The following SCHIP1 variants were observed in gnomAD, a reference collection of about 807,000 sequenced individuals.
SCHIP1 encodes schwannomin-interacting protein 1.
A neutral mutation model predicts 29.7 loss-of-function variants in SCHIP1; 8 were observed. The observed-to-expected ratio is 0.27, with a 90% confidence interval of 0.16 to 0.49. SCHIP1 has a LOEUF of 0.49. SCHIP1 is among the 20% of genes least tolerant of loss of function. The probability of loss-of-function intolerance (pLI) is 0.99; values close to 1 mark genes in which losing one functional copy is unlikely to be tolerated. For synonymous variants in SCHIP1, 76 were observed against 94.9 expected, an observed-to-expected ratio of 0.80 and a Z score of 1.16; for missense variants, 193 against 294.6, an observed-to-expected ratio of 0.66 and a Z score of 2.52.
intron 3 of SCHIP1, 54 bp downstream of exon 4, chr3:159,886,378 A>T: frequency 6.5e-7 from 1 of 1,536,924 alleles, no homozygotes; most frequent in South Asian, 1.1e-5. Flanking sequence ...CGGGCCATTT[A>T]GCTTCTTTTC....
chr3:159,314,424 C>T, the SCHIP1 span, among the ~76,000 whole-genome samples: 1 of 152,176 alleles, frequency 6.6e-6, no homozygotes, highest in Non-Finnish European at 1.5e-5. Flanking sequence ...CATCCCGTTT[C>T]TTCTGCTAGT....
the SCHIP1 span, chr3:159,721,958 G>A: frequency 1.0e-5 from 4 of 390,694 alleles, no homozygotes; most frequent in South Asian, 6.3e-5. Flanking sequence ...AGTCCTCTGT[G>A]TTCTTCAGCT....
intron 2 of SCHIP1, among the ~76,000 whole-genome samples, chr3:159,875,926 C>A (rs1261323915): frequency 1.3e-5 from 2 of 152,142 alleles, no homozygotes; most frequent in East Asian, 3.9e-4. Flanking sequence ...GAACCTGTCT[C>A]TAGAACAAAA....
At chr3:159,473,674 G>GAAAAAAAAAAAAAAAAAAAAAAAAA in the SCHIP1 span, among the ~76,000 whole-genome samples, 5 of 81,440 alleles carry the variant, frequency 6.1e-5, no homozygotes, top group South Asian at 4.4e-4. Context: ...ATGTAACTAC[G>GAAAAAAAAAAAAAAAAAAAAAAAAA]AAAAAAAAAA....
chr3:159,615,738 T>C, the SCHIP1 span, among the ~76,000 whole-genome samples: 1 of 151,992 alleles, frequency 6.6e-6, no homozygotes, highest in Non-Finnish European at 1.5e-5. Context: ...AAACGATGAG[T>C]CTAGAATGAC....
At chr3:159,488,153 A>T in the SCHIP1 span, among the ~76,000 whole-genome samples, 2 of 152,060 alleles carry the variant, frequency 1.3e-5, no homozygotes, top group Non-Finnish European at 2.9e-5. Flanking sequence ...AACAAATGAA[A>T]TCAGAGAGTA....
At chr3:159,848,059 G>A (rs1361990120) in intron 1 of SCHIP1, among the ~76,000 whole-genome samples, 1 of 152,200 alleles carries the variant, frequency 6.6e-6, no homozygotes, top group Non-Finnish European at 1.5e-5. Context: ...TCCCAGTAAT[G>A]TGGTCAGTGT....
chr3:159,850,649 G>T (rs1311534154), intron 1 of SCHIP1, among the ~76,000 whole-genome samples: 1 of 152,088 alleles, frequency 6.6e-6, no homozygotes, highest in Non-Finnish European at 1.5e-5. Flanking sequence ...GAAGCATGGT[G>T]GGGGAGGCCT....
chr3:159,717,595 T>C, the SCHIP1 span, among the ~76,000 whole-genome samples: 3 of 152,090 alleles, frequency 2.0e-5, no homozygotes, highest in African/African-American at 4.8e-5. Flanking sequence ...GAGAATACTA[T>C]AAACACCTCT....
the SCHIP1 span, among the ~76,000 whole-genome samples, chr3:159,661,472 G>A: frequency 6.6e-6 from 1 of 152,100 alleles, no homozygotes; most frequent in Non-Finnish European, 1.5e-5. Context: ...CCCTCACAAT[G>A]TATACTACAA....
the SCHIP1 span, among the ~76,000 whole-genome samples, chr3:159,470,112 C>T: frequency 6.6e-6 from 1 of 151,948 alleles, no homozygotes; most frequent in African/African-American, 2.4e-5. Context: ...CCTAAAAACA[C>T]TAAAAATAAT....
chr3:159,642,851 G>C, the SCHIP1 span, among the ~76,000 whole-genome samples: 4 of 152,066 alleles, frequency 2.6e-5, no homozygotes, highest in East Asian at 3.9e-4. Flanking sequence ...AAACAAAGGA[G>C]AGTGTCAGGT....
At chr3:159,537,766 A>C in the SCHIP1 span, among the ~76,000 whole-genome samples, 1 of 152,196 alleles carries the variant, frequency 6.6e-6, no homozygotes, top group African/African-American at 2.4e-5. Context: ...ATTTGTTAAA[A>C]AGTATTTTTA....
At chr3:159,378,589 GCTC>G in the SCHIP1 span, among the ~76,000 whole-genome samples, 1 of 152,108 alleles carries the variant, frequency 6.6e-6, no homozygotes, top group Non-Finnish European at 1.5e-5. Context: ...CAAGCTACAG[GCTC>G]CTGACTCCCT....
the SCHIP1 span, among the ~76,000 whole-genome samples, chr3:159,698,233 A>G: frequency 6.6e-6 from 1 of 152,222 alleles, no homozygotes; most frequent in Non-Finnish European, 1.5e-5. Flanking sequence ...ATTCCCTGAG[A>G]CCAAACAGTG....
chr3:159,409,408 A>G, the SCHIP1 span, among the ~76,000 whole-genome samples: 1 of 152,150 alleles, frequency 6.6e-6, no homozygotes, highest in Non-Finnish European at 1.5e-5. Context: ...CCAAAAACCT[A>G]TTAGAACTGA....
chr3:159,745,113 C>T, the SCHIP1 span, among the ~76,000 whole-genome samples: 5 of 152,204 alleles, frequency 3.3e-5, no homozygotes, highest in Non-Finnish European at 7.3e-5. Context: ...CTGTTCATTA[C>T]ACTCTGTGCA....
chr3:159,542,263 T>C, the SCHIP1 span, among the ~76,000 whole-genome samples: 165 of 152,202 alleles, frequency 1.1e-3, 1 homozygote, highest in African/African-American at 3.8e-3. Flanking sequence ...GTATATAAGA[T>C]GTACAATTGG....
upstream of SCHIP1, among the ~76,000 whole-genome samples, chr3:159,839,289 T>TA (rs66945994): frequency 0.22 from 30,071 of 138,720 alleles, 3,136 homozygotes; most frequent in Middle Eastern, 0.33. Context: ...AGCCTTACAT[T>TA]AAAAAAAAAA....
Sources: allele counts gnomAD v4.1 joint callset (sites outside exome capture counted in the v4.1 genomes callset), GRCh38; gene constraint gnomAD v4.1.1; transcripts MANE v1.5; gene names NCBI Gene and HGNC (gene_info 2026-07-23, HGNC 2026-07-21).